MYT1L: variants seen among roughly 807,000 people sequenced by gnomAD.
MYT1L encodes myelin transcription factor 1 like.
A neutral mutation model predicts 126.7 loss-of-function variants in MYT1L; 12 were observed. That is an observed-to-expected ratio of 0.09 (90% confidence interval 0.06 to 0.15). MYT1L has a LOEUF of 0.15. Ranked by LOEUF, MYT1L falls within the 10% of genes least tolerant of loss-of-function variation. MYT1L has a pLI of 1.00. For missense variants in MYT1L, 979 were observed against 1,585.2 expected (o/e 0.62, Z 6.49); for synonymous variants, 541 against 604.2 (o/e 0.90, Z 1.53).
At chr2:2,252,157 C>T (rs1383818611) in intron 2 of MYT1L, among the ~76,000 whole-genome samples, 1 of 152,162 alleles carries the variant, frequency 6.6e-6, no homozygotes, top group South Asian at 2.1e-4. Context: ...TGCCCTGTCT[C>T]AGCCAACTTT....
intron 3 of MYT1L, among the ~76,000 whole-genome samples, chr2:2,085,133 C>G (rs1320022475): frequency 1.3e-5 from 2 of 152,170 alleles, no homozygotes; most frequent in Non-Finnish European, 2.9e-5. Context: ...AGTTTCTTTT[C>G]TCCATCAGCT....
chr2:2,108,130 C>T (rs1237282304), intron 3 of MYT1L, among the ~76,000 whole-genome samples: 1 of 152,140 alleles, frequency 6.6e-6, no homozygotes, highest in Non-Finnish European at 1.5e-5. Context: ...CCCCCTTATT[C>T]GGAGGGTGTC....
intron 2 of MYT1L, among the ~76,000 whole-genome samples, chr2:2,278,859 A>G (rs757894411): frequency 1.8e-4 from 27 of 152,228 alleles, no homozygotes; most frequent in Non-Finnish European, 3.4e-4. Context: ...GCCCAAGGCC[A>G]CATCACCTAA....
chr2:1,813,871 C>CA lies in MYT1L; in HGVS notation c.3081-4705dup, dbSNP rs1361634511. Among the ~76,000 whole-genome samples the CA allele has an allele frequency of 3.2e-5, 3 of 94,798 alleles. 1 individual carries two copies. The highest frequency in any genetic ancestry group is 1.1e-4 in the African/African-American group (3 of 26,228). 62.2% of individuals were successfully genotyped at this position (94,798 alleles called of 152,430 possible). A position where few individuals can be genotyped will look rare whatever the true frequency, so the allele number is the denominator to read the frequency against. On this transcript the variant is annotated intron_variant, in intron 21 of 24. Transcript: ENST00000647738. ...TGAAACCCCGTCTGTACTAGAAATA[C>CA]AAAAAATTAGCCGGGCGTGGTAGCG...
chr2:1,879,064 C>A (rs1243227914), intron 18 of MYT1L, among the ~76,000 whole-genome samples: 2 of 152,162 alleles, frequency 1.3e-5, no homozygotes, highest in Non-Finnish European at 2.9e-5. Context: ...TAAGAGAGAG[C>A]ACAGCAATAG....
At chr2:2,122,599 A>C (rs2081180115) in intron 3 of MYT1L, among the ~76,000 whole-genome samples, 1 of 152,208 alleles carries the variant, frequency 6.6e-6, no homozygotes, top group Admixed American at 6.5e-5. Flanking sequence ...CCTCCAAACA[A>C]AATAGACGAT....
At chr2:2,149,388 T>C (rs2085383216) in intron 3 of MYT1L, among the ~76,000 whole-genome samples, 2 of 152,256 alleles carry the variant, frequency 1.3e-5, no homozygotes, top group Admixed American at 6.5e-5. Flanking sequence ...TGTTAGGCAC[T>C]GCATGGAGAT....
rs1270961211 is a variant in MYT1L at position 2,228,718 on chromosome 2, G to A, written c.-421+55686C>T. ...AAAAGGTTTCAACCTTAATATTACA[G>A]AGAAGAGCTATAAATACACTATTTC... is the stretch of plus-strand genomic sequence containing the variant. On this transcript the variant is annotated intron_variant, in intron 2 of 24. Transcript: ENST00000647738. This position sits in a 1 kb window ranked among gnomAD's most constrained non-coding sequence, Gnocchi z 5.9. Among the ~76,000 whole-genome samples the A allele has an allele frequency of 6.6e-6, 1 of 152,024 alleles. No individual in the cohort carries two copies. Among genetic ancestry groups the A allele is most frequent in the Admixed American group, 6.5e-5 (1 of 15,270 alleles).
chr2:1,923,504 T>A (rs1245698819), intron 9 of MYT1L, among the ~76,000 whole-genome samples: 1 of 152,238 alleles, frequency 6.6e-6, no homozygotes, highest in South Asian at 2.1e-4. Context: ...CTTTAATGGA[T>A]CTTAAGATAA....
At chr2:1,987,827 C>T (rs886869958) in intron 5 of MYT1L, among the ~76,000 whole-genome samples, 33 of 152,142 alleles carry the variant, frequency 2.2e-4, no homozygotes, top group African/African-American at 7.5e-4. Flanking sequence ...CCATGCTGGG[C>T]CTCAAGACTC....
At chr2:1,841,710 G>A (rs1435122568) in intron 19 of MYT1L, 3 of 152,186 alleles carry the variant, frequency 2.0e-5, no homozygotes, top group African/African-American at 7.2e-5. Flanking sequence ...CGTGCATGTC[G>A]GGGGTGAACA....
chr2:2,116,041 A>G (rs2080172718), intron 3 of MYT1L, among the ~76,000 whole-genome samples: 1 of 151,432 alleles, frequency 6.6e-6, no homozygotes, highest in Non-Finnish European at 1.5e-5. Context: ...CACCACGTCC[A>G]GTCGACGAAA....
intron 3 of MYT1L, among the ~76,000 whole-genome samples, chr2:2,097,614 T>TG (rs1176357876): frequency 6.6e-6 from 1 of 152,176 alleles, no homozygotes; most frequent in African/African-American, 2.4e-5. Flanking sequence ...AAATAAGCGA[T>TG]GGAGATGCGT....
intron 16 of MYT1L, among the ~76,000 whole-genome samples, chr2:1,888,282 T>G (rs2048398148): frequency 6.6e-6 from 1 of 152,152 alleles, no homozygotes; most frequent in South Asian, 2.1e-4. Flanking sequence ...AATTTGGAGA[T>G]TCAACCACCA....
chr2:2,259,744 C>T (rs1457957362), intron 2 of MYT1L, among the ~76,000 whole-genome samples: 2 of 152,150 alleles, frequency 1.3e-5, no homozygotes, highest in African/African-American at 4.8e-5. Context: ...TACGGGTCAT[C>T]CCGACGGCAG....
intron 15 of MYT1L, among the ~76,000 whole-genome samples, chr2:1,890,074 T>G (rs938275252): frequency 2.0e-5 from 3 of 151,948 alleles, no homozygotes; most frequent in African/African-American, 7.3e-5. Flanking sequence ...ATACAATTTT[T>G]TTTTTTTTTT....
intron 9 of MYT1L, among the ~76,000 whole-genome samples, chr2:1,932,169 T>C (rs1297460466): frequency 6.6e-6 from 1 of 152,074 alleles, no homozygotes; most frequent in Non-Finnish European, 1.5e-5. Flanking sequence ...TGCAACAACA[T>C]GTCTCTCAGA....
At chr2:2,147,174 A>T (rs2085014769) in intron 3 of MYT1L, among the ~76,000 whole-genome samples, 1 of 152,224 alleles carries the variant, frequency 6.6e-6, no homozygotes, top group Admixed American at 6.5e-5. Context: ...TCCATGACCA[A>T]ATCATCCTCC....
At chr2:2,286,267 T>C (rs2095519196) in intron 1 of MYT1L, among the ~76,000 whole-genome samples, 1 of 152,120 alleles carries the variant, frequency 6.6e-6, no homozygotes, top group Non-Finnish European at 1.5e-5. Flanking sequence ...AGGCATGGGA[T>C]TACCACACCC....
Sources: gnomAD v4.1 joint callset for allele counts (sites outside exome capture counted in the v4.1 genomes callset) on GRCh38, gnomAD v4.1.1 for gene constraint, Gnocchi (gnomAD v3.1) non-coding constraint, MANE v1.5 for transcripts, NCBI Gene and HGNC (gene_info 2026-07-23, HGNC 2026-07-21) for gene names.